Variants in ARMH3 observed in about 807,000 individuals in gnomAD.
ARMH3 encodes armadillo like helical domain containing 3.
ARMH3 carries 60 observed loss-of-function variants against 99.1 expected under a neutral mutation model. The observed-to-expected ratio is 0.61, with a 90% confidence interval of 0.49 to 0.75. The LOEUF (loss-of-function observed/expected upper bound fraction) is 0.75. ARMH3 is among the 30% of genes least tolerant of loss of function. The probability of loss-of-function intolerance (pLI) is 0.00; values close to 1 mark genes in which losing one functional copy is unlikely to be tolerated. For synonymous variants in ARMH3, 285 were observed against 292.8 expected (o/e 0.97, Z 0.27); for missense variants, 679 against 843.1 (o/e 0.81, Z 2.41).
At chr10:102,031,681 A>G (rs1253025751) in intron 4 of ARMH3, among the ~76,000 whole-genome samples, 2 of 152,262 alleles carry the variant, frequency 1.3e-5, no homozygotes, top group Non-Finnish European at 2.9e-5. Flanking sequence ...AGTATGTTAG[A>G]AACTTAAACC....
At chr10:101,966,434 G>A (rs772135149) in intron 20 of ARMH3, among the ~76,000 whole-genome samples, 5 of 151,076 alleles carry the variant, frequency 3.3e-5, no homozygotes, top group Admixed American at 6.6e-5. Context: ...CCGCCACCAC[G>A]CCTGGCTAAT....
At chr10:101,913,893 T>C (rs1316924414) in intron 23 of ARMH3, among the ~76,000 whole-genome samples, 3 of 152,214 alleles carry the variant, frequency 2.0e-5, no homozygotes, top group Non-Finnish European at 4.4e-5. Flanking sequence ...GAAGTATAGC[T>C]ATTCTGGTCA....
At chr10:101,999,364 G>T (rs1436799254) in intron 15 of ARMH3, among the ~76,000 whole-genome samples, 1 of 151,912 alleles carries the variant, frequency 6.6e-6, no homozygotes, top group Non-Finnish European at 1.5e-5. Flanking sequence ...GCTGATTTTT[G>T]TATTTTTAGT....
At chr10:101,853,956 TAC>T (rs1450165380) in intron 24 of ARMH3, among the ~76,000 whole-genome samples, 1 of 151,936 alleles carries the variant, frequency 6.6e-6, no homozygotes, top group Non-Finnish European at 1.5e-5. Context: ...CTACTAAAAA[TAC>T]AAAAATTAGC....
chr10:101,873,437 C>A lies in ARMH3; in HGVS notation c.1860+15975G>T, dbSNP rs186568206. On this transcript the variant is annotated intron_variant, in intron 24 of 25. Coordinates refer to ENST00000370033, the MANE Select transcript of ARMH3 (RefSeq NM_024541.3). ...AAAAACAAAACAAAACAAAAACAAA[C>A]AAAAAACCCAGCGTGGCAGTTTCTT... Among the ~76,000 whole-genome samples, 191 of 151,484 alleles carry A rather than the reference C, an allele frequency of 1.3e-3. 1 individual carries two copies. Among genetic ancestry groups the A allele is most frequent in the African/African-American group, 4.5e-3 (186 of 41,300 alleles).
chr10:101,980,371 T>A (rs960843492), intron 19 of ARMH3, among the ~76,000 whole-genome samples: 1 of 152,160 alleles, frequency 6.6e-6, no homozygotes, highest in Admixed American at 6.5e-5. Context: ...TGATCTCGGC[T>A]CACTGCAACC....
intron 5 of ARMH3, among the ~76,000 whole-genome samples, chr10:102,026,976 T>C (rs888053169): frequency 6.6e-6 from 1 of 152,124 alleles, no homozygotes; most frequent in African/African-American, 2.4e-5. Context: ...GCCCAACAAA[T>C]ATTTGTCAAA....
intron 24 of ARMH3, among the ~76,000 whole-genome samples, chr10:101,877,637 C>T (rs2067301950): frequency 6.6e-6 from 1 of 151,118 alleles, no homozygotes; most frequent in South Asian, 2.1e-4. Context: ...GCCTGGGTGA[C>T]AGAGTGAGAC....
At chr10:102,055,735 G>A (rs1030611562) in intron 1 of ARMH3, among the ~76,000 whole-genome samples, 1 of 152,214 alleles carries the variant, frequency 6.6e-6, no homozygotes, top group Non-Finnish European at 1.5e-5. Flanking sequence ...AACAGCAGGA[G>A]AGGAAGCTCT....
intron 23 of ARMH3, among the ~76,000 whole-genome samples, chr10:101,919,012 A>T (rs1225470400): frequency 1.3e-5 from 2 of 152,244 alleles, no homozygotes; most frequent in Non-Finnish European, 2.9e-5. Context: ...AAATCTATAG[A>T]TAATTAAATG....
intron 19 of ARMH3, among the ~76,000 whole-genome samples, chr10:101,986,357 G>C (rs1846501246): frequency 6.6e-6 from 1 of 152,100 alleles, no homozygotes; most frequent in African/African-American, 2.4e-5. Flanking sequence ...GTGGCAGTGA[G>C]AGTGGCAGCA....
intron 23 of ARMH3, among the ~76,000 whole-genome samples, chr10:101,915,967 C>T (rs1843069354): frequency 6.6e-6 from 1 of 152,024 alleles, no homozygotes; most frequent in African/African-American, 2.4e-5. Flanking sequence ...CGGCGCCTGG[C>T]TAATTTTTTT....
intron 25 of ARMH3, 56 bp from the exon 26 acceptor site, chr10:101,847,676 A>T: frequency 6.6e-7 from 1 of 1,521,248 alleles, no homozygotes; most frequent in Non-Finnish European, 9.1e-7. Context: ...AAAACAGGAG[A>T]GAGTCAGTTC....
At chr10:101,901,509 T>C (rs1264155402) in intron 23 of ARMH3, among the ~76,000 whole-genome samples, 1 of 152,194 alleles carries the variant, frequency 6.6e-6, no homozygotes, top group Non-Finnish European at 1.5e-5. Flanking sequence ...TGCTAACCAC[T>C]GAGACGTGGC....
intron 22 of ARMH3, among the ~76,000 whole-genome samples, chr10:101,949,794 C>T (rs1844709675): frequency 6.6e-6 from 1 of 152,002 alleles, no homozygotes; most frequent in South Asian, 2.1e-4. Flanking sequence ...ACCAATATAC[C>T]TCATGAATAC....
intron 21 of ARMH3, 90 bp from the exon 22 acceptor site, chr10:101,956,813 T>A (rs925612212): frequency 7.6e-7 from 1 of 1,309,870 alleles, no homozygotes; most frequent in African/African-American, 1.5e-5. Flanking sequence ...CTTACTGTCT[T>A]GCAAGAGTTG....
chr10:101,891,667 T>C (rs961177164), intron 23 of ARMH3, among the ~76,000 whole-genome samples: 3 of 152,206 alleles, frequency 2.0e-5, no homozygotes, highest in Admixed American at 2.0e-4. Flanking sequence ...ATTTAGTTAA[T>C]AATAATGCCA....
intron 20 of ARMH3, 23 bp from the exon 21 acceptor site, chr10:101,957,755 A>G (rs375033413): frequency 1.3e-6 from 2 of 1,541,104 alleles, no homozygotes; most frequent in African/African-American, 2.8e-5. Context: ...AAAAAAAGAC[A>G]TCAACAAGCT....
chr10:101,931,852 A>G (rs1843736668), intron 23 of ARMH3, among the ~76,000 whole-genome samples: 1 of 152,242 alleles, frequency 6.6e-6, no homozygotes, highest in Non-Finnish European at 1.5e-5. Context: ...TGGATTTGGC[A>G]ATGATTTCTT....
Sources: gnomAD v4.1 joint callset for allele counts (sites outside exome capture counted in the v4.1 genomes callset) on GRCh38, gnomAD v4.1.1 for gene constraint, MANE v1.5 for transcripts, NCBI Gene and HGNC (gene_info 2026-07-23, HGNC 2026-07-21) for gene names.